RXFP1: variants seen among roughly 807,000 people sequenced by gnomAD.
The protein encoded by RXFP1 is relaxin receptor 1.
In RXFP1, 73 loss-of-function variants were observed where a neutral mutation model predicts 89.8. That is an observed-to-expected ratio of 0.81 (90% confidence interval 0.67 to 0.99). The LOEUF is 0.99. Ranked by LOEUF, RXFP1 falls within the 50% of genes least tolerant of loss-of-function variation. The pLI is 0.00. For missense variants in RXFP1, 793 were observed against 895.5 expected (o/e 0.89, Z 1.46); for synonymous variants, 277 against 305.5 (o/e 0.91, Z 0.97).
At chr4:158,585,391 A>G (rs575862724) in intron 2 of RXFP1, among the ~76,000 whole-genome samples, 20 of 152,230 alleles carry the variant, frequency 1.3e-4, no homozygotes, top group African/African-American at 4.6e-4. Context: ...GCATCCAAGA[A>G]ACTTGGAAGT....
At chr4:158,647,685 T>A (rs768300978) in intron 16 of RXFP1, among the ~76,000 whole-genome samples, 3 of 151,892 alleles carry the variant, frequency 2.0e-5, no homozygotes, top group African/African-American at 7.3e-5. Context: ...CTGGGCAACA[T>A]AGCAAGACCC....
At chr4:158,613,262 C>T (rs1003055963) in intron 8 of RXFP1, among the ~76,000 whole-genome samples, 2 of 152,100 alleles carry the variant, frequency 1.3e-5, no homozygotes, top group Non-Finnish European at 2.9e-5. Flanking sequence ...GTTGCTGAAG[C>T]CTGGGGTGGC....
At chr4:158,623,996 G>GA (rs1194146670) in intron 9 of RXFP1, among the ~76,000 whole-genome samples, 3 of 151,500 alleles carry the variant, frequency 2.0e-5, no homozygotes, top group African/African-American at 4.9e-5. Flanking sequence ...TTCCTGGGGG[G>GA]AAAAAACCCC....
At chr4:158,601,028 G>A (rs961397593) in intron 4 of RXFP1, among the ~76,000 whole-genome samples, 3 of 152,064 alleles carry the variant, frequency 2.0e-5, no homozygotes, top group African/African-American at 7.2e-5. Context: ...AAAGAACAGA[G>A]AGAGAAAGCT....
chr4:158,602,671 G>C (rs1287121497), intron 4 of RXFP1, among the ~76,000 whole-genome samples: 2 of 152,144 alleles, frequency 1.3e-5, no homozygotes, highest in Non-Finnish European at 2.9e-5. Flanking sequence ...TGCAAATAGA[G>C]TATAAACTTC....
chr4:158,590,267 C>A (rs764707809), intron 2 of RXFP1, among the ~76,000 whole-genome samples: 1 of 152,082 alleles, frequency 6.6e-6, no homozygotes, highest in African/African-American at 2.4e-5. Flanking sequence ...CAAGTTCAAG[C>A]GATTCTCACG....
intron 2 of RXFP1, 161 bp downstream of exon 2, chr4:158,572,996 A>T: frequency 3.8e-6 from 4 of 1,060,272 alleles, no homozygotes; most frequent in South Asian, 2.0e-5. Flanking sequence ...TAAAATATCC[A>T]CTCTTTTCTT....
intron 16 of RXFP1, among the ~76,000 whole-genome samples, chr4:158,647,809 A>G (rs1238973435): frequency 6.6e-6 from 1 of 152,146 alleles, no homozygotes; most frequent in Non-Finnish European, 1.5e-5. Flanking sequence ...TAAGGTCAGG[A>G]GTTCAAGACC....
chr4:158,623,450 C>T (rs1766031118), intron 9 of RXFP1, among the ~76,000 whole-genome samples: 1 of 129,542 alleles, frequency 7.7e-6, no homozygotes, highest in South Asian at 2.5e-4. Flanking sequence ...TGCAGTGAGC[C>T]GAGATTGTGC....
rs755117637 is a variant in RXFP1, at chr4:158,652,078, C to T, written c.*23C>T. The T allele has an allele frequency of 4.9e-5, 78 of 1,583,014 alleles. No individual in the cohort carries two copies. The Middle Eastern group carries it at 6.7e-4, about 14-fold the overall frequency. Reference sequence around the variant, plus strand: ...TGACTGACTCTGAAATTCATTTCTTCGCAGAGAATACTGTGGGGGTGCTTC... The same window carrying T: ...TGACTGACTCTGAAATTCATTTCTTTGCAGAGAATACTGTGGGGGTGCTTC... On this transcript the variant is annotated 3_prime_UTR_variant, in exon 18 of 18. Transcript: ENST00000307765.
At chr4:158,541,808 C>A (rs1198243055) in intron 1 of RXFP1, among the ~76,000 whole-genome samples, 1 of 152,012 alleles carries the variant, frequency 6.6e-6, no homozygotes, top group Non-Finnish European at 1.5e-5. Context: ...TTACTAAATA[C>A]AATTAACATT....
At position 158,626,813 on chromosome 4, in the gene RXFP1, G is replaced by T; in HGVS notation, c.756-7G>T. ...TTTAGCTGTATCGTTTTATTTTTAT[G>T]TTCCAGGGACCTTGAAGGCAACCAT... On this transcript the variant is annotated splice_polypyrimidine_tract_variant and splice_region_variant and intron_variant, in intron 9 of 17. Transcript: ENST00000307765. 1 of 1,526,698 alleles carries T rather than the reference G, an allele frequency of 6.6e-7. No homozygotes were observed. Among genetic ancestry groups the T allele is most frequent in the Non-Finnish European group, 8.9e-7 (1 of 1,120,674 alleles). The allele number at this position is 1,526,698 out of a possible 1,614,324, so 94.6% of individuals were successfully genotyped here. A position where few individuals can be genotyped will look rare whatever the true frequency, so the allele number is the denominator to read the frequency against.
At chr4:158,634,482 C>A (rs1768743685) in intron 12 of RXFP1, among the ~76,000 whole-genome samples, 1 of 152,130 alleles carries the variant, frequency 6.6e-6, no homozygotes, top group South Asian at 2.1e-4. Context: ...GCTGCCTTTT[C>A]ACTCTATTAT....
At chr4:158,615,826 C>T (rs1764454782) in intron 8 of RXFP1, among the ~76,000 whole-genome samples, 2 of 152,014 alleles carry the variant, frequency 1.3e-5, no homozygotes, top group Non-Finnish European at 2.9e-5. Context: ...GCGACACATG[C>T]CTGTAGTCCC....
At chr4:158,538,799 C>T (rs1226141764) in intron 1 of RXFP1, among the ~76,000 whole-genome samples, 8 of 130,624 alleles carry the variant, frequency 6.1e-5, no homozygotes, top group South Asian at 2.4e-4. Flanking sequence ...AGTGAAATGC[C>T]GTCTCAAAAA....
chr4:158,538,326 C>T (rs939441622), intron 1 of RXFP1, among the ~76,000 whole-genome samples: 3 of 152,062 alleles, frequency 2.0e-5, no homozygotes, highest in African/African-American at 7.2e-5. Flanking sequence ...GAGACAGCTG[C>T]AATTAGACAC....
Position 158,600,391 on chromosome 4 carries a change from A to G in RXFP1, c.392+960A>G, listed in dbSNP as rs912156846. ...GAAGTTTACCCAATTTGTGGTGGCC[A>G]GGGAATATGAACTGAAAATATCAGC... On this transcript the variant is annotated intron_variant, in intron 4 of 17. Transcript: ENST00000307765. 7.9e-5 allele frequency among the ~76,000 whole-genome samples: 12 copies of G among 152,358 alleles called. No individual in the cohort carries two copies. In the East Asian group the frequency reaches 2.3e-3, roughly 29 times the overall value.
chr4:158,641,568 T>C (rs1338605091), intron 14 of RXFP1, among the ~76,000 whole-genome samples: 1 of 152,238 alleles, frequency 6.6e-6, no homozygotes, highest in Admixed American at 6.5e-5. Flanking sequence ...TGTTCTGCTC[T>C]CCTGTCCTTC....
intron 1 of RXFP1, 148 bp downstream of exon 1, chr4:158,522,173 G>A (rs1741332320): frequency 1.7e-6 from 1 of 577,856 alleles, no homozygotes; most frequent in African/African-American, 1.9e-5. Context: ...GTTCTTCTTA[G>A]TATATGTCTG....
Sources: allele counts gnomAD v4.1 joint callset (sites outside exome capture counted in the v4.1 genomes callset), GRCh38; gene constraint gnomAD v4.1.1; transcripts MANE v1.5; gene names NCBI Gene and HGNC (gene_info 2026-07-23, HGNC 2026-07-21).